F13A1: variants seen among roughly 807,000 people sequenced by gnomAD.
F13A1 encodes the protein coagulation factor XIII A chain.
A neutral mutation model predicts 80.1 loss-of-function variants in F13A1; 47 were observed. The ratio of observed to expected loss-of-function variants is 0.59; its 90% CI spans 0.46 to 0.75. The LOEUF is 0.75. F13A1 is among the 30% of genes least tolerant of loss of function. The probability of loss-of-function intolerance (pLI) is 0.00; values close to 1 mark genes in which losing one functional copy is unlikely to be tolerated. For synonymous variants in F13A1, 349 were observed against 344.9 expected (o/e 1.01, Z -0.13); for missense variants, 817 against 930.4 (o/e 0.88, Z 1.59).
At chr6:6,252,784 T>G (rs6597197) in intron 4 of F13A1, among the ~76,000 whole-genome samples, 70,484 of 152,058 alleles carry the variant, frequency 0.46, 18,130 homozygotes, top group African/African-American at 0.7. Flanking sequence ...ATGACCAATG[T>G]GAACCCAACC....
intron 10 of F13A1, among the ~76,000 whole-genome samples, chr6:6,183,984 A>G (rs1761033127): frequency 6.6e-6 from 1 of 152,230 alleles, no homozygotes; most frequent in Non-Finnish European, 1.5e-5. Context: ...TAATGGGGAA[A>G]CTTGAAGATA....
At chr6:6,277,745 G>C (rs1487878302) in intron 3 of F13A1, among the ~76,000 whole-genome samples, 1 of 152,218 alleles carries the variant, frequency 6.6e-6, no homozygotes, top group East Asian at 1.9e-4. Context: ...ACCTTTTGAT[G>C]TATAGGGCCT....
intron 2 of F13A1, among the ~76,000 whole-genome samples, chr6:6,310,811 C>A (rs1758579403): frequency 6.6e-6 from 1 of 152,092 alleles, no homozygotes; most frequent in Admixed American, 6.6e-5. Flanking sequence ...TAGGACCAAT[C>A]ATTAAGTAGT....
intron 8 of F13A1, among the ~76,000 whole-genome samples, chr6:6,211,417 C>T (rs570855696): frequency 1.3e-5 from 2 of 152,324 alleles, no homozygotes; most frequent in South Asian, 2.1e-4. Context: ...AAATAAGCAT[C>T]TCTGATAACT....
rs200574485 is a variant in F13A1, at chr6:6,253,180, G to A, written c.572-2251C>T. Among the ~76,000 whole-genome samples the A allele has an allele frequency of 3.2e-4, 44 of 137,544 alleles. No homozygotes were observed. In the East Asian group the frequency reaches 8.2e-3, roughly 26 times the overall value. The allele number at this position is 137,544 out of a possible 152,430, so 90.2% of individuals were successfully genotyped here. ...AAAAAAAAAGAGAGAGAGAGAGAGAGAAAATAGCCAAAAACTAATATGTTG... is the reference window on the plus strand; with the variant it reads ...AAAAAAAAAGAGAGAGAGAGAGAGAAAAAATAGCCAAAAACTAATATGTTG... On this transcript the variant is annotated intron_variant, in intron 4 of 14. Coordinates refer to ENST00000264870, the MANE Select transcript of F13A1 (RefSeq NM_000129.4).
At chr6:6,159,545 G>A (rs1760537332) in intron 13 of F13A1, among the ~76,000 whole-genome samples, 1 of 152,178 alleles carries the variant, frequency 6.6e-6, no homozygotes, top group Non-Finnish European at 1.5e-5. Flanking sequence ...GTGGCTCCAT[G>A]CCAGGCTGCA....
At chr6:6,149,926 G>A (rs1172585245) in intron 14 of F13A1, among the ~76,000 whole-genome samples, 1 of 152,190 alleles carries the variant, frequency 6.6e-6, no homozygotes, top group Non-Finnish European at 1.5e-5. Flanking sequence ...TCCAATGTCA[G>A]ACATTAACAA....
At chr6:6,218,840 G>C (rs912149464) in intron 8 of F13A1, among the ~76,000 whole-genome samples, 6 of 152,150 alleles carry the variant, frequency 3.9e-5, no homozygotes, top group African/African-American at 1.4e-4. Flanking sequence ...TCCTGGCTCT[G>C]GAGTGTGGCG....
intron 13 of F13A1, among the ~76,000 whole-genome samples, chr6:6,155,438 T>G: frequency 6.6e-6 from 1 of 151,938 alleles, no homozygotes; most frequent in Admixed American, 6.6e-5. Flanking sequence ...GATGCTGGAG[T>G]GGGGAGCAGG....
At chr6:6,309,783 G>T (rs1227108582) in intron 2 of F13A1, among the ~76,000 whole-genome samples, 1 of 152,176 alleles carries the variant, frequency 6.6e-6, no homozygotes, top group Non-Finnish European at 1.5e-5. Context: ...CTGTTGCAGT[G>T]TTCTGGGTGA....
intron 8 of F13A1, chr6:6,206,641 CA>C (rs1761494466): frequency 4.3e-6 from 2 of 468,008 alleles, no homozygotes; most frequent in Non-Finnish European, 8.9e-6. Context: ...CAGTGATTTC[CA>C]ACCTTCAAAG....
intron 6 of F13A1, among the ~76,000 whole-genome samples, chr6:6,235,366 T>G (rs1757401134): frequency 6.6e-6 from 1 of 151,974 alleles, no homozygotes; most frequent in African/African-American, 2.4e-5. Flanking sequence ...GAAGAAGATA[T>G]TTGTAAATCC....
chr6:6,170,513 G>A (rs1413182727), intron 12 of F13A1, among the ~76,000 whole-genome samples: 1 of 152,190 alleles, frequency 6.6e-6, no homozygotes, highest in East Asian at 1.9e-4. Flanking sequence ...ATAGGTTTTC[G>A]CTCTATGAGC....
At chr6:6,183,100 A>C (rs898207821) in intron 10 of F13A1, among the ~76,000 whole-genome samples, 1 of 152,132 alleles carries the variant, frequency 6.6e-6, no homozygotes, top group African/African-American at 2.4e-5. Context: ...CCTTTATTAC[A>C]TATTTTATAA....
chr6:6,174,566 C>G lies in F13A1; in HGVS notation c.1747+14G>C. 6.2e-7 allele frequency: 1 copy of G among 1,614,018 alleles called. No homozygotes were observed. Among genetic ancestry groups the G allele is most frequent in the Non-Finnish European group, 8.5e-7 (1 of 1,179,996 alleles). On this transcript the variant is annotated intron_variant, in intron 12 of 14. Transcript: ENST00000264870. ...CAGCGAGTCTCAGAAAGAACCACAC[C>G]ATTGTTAGCTTACAGGACAAGGGCT...
rs1014208595 is a variant in F13A1 at position 6,298,141 on chromosome 6, A to G, written c.319+7210T>C. ...TTTGTTATAATTTCTGTTCTTTTAC[A>G]TTTGCTGAGGAGAGCTTTACTTCCC... is the stretch of plus-strand genomic sequence containing the variant. On this transcript the variant is annotated intron_variant, in intron 3 of 14. Transcript: ENST00000264870. Among the ~76,000 whole-genome samples, 135 of 139,354 alleles carry G rather than the reference A, an allele frequency of 9.7e-4. 1 individual carries two copies. Among genetic ancestry groups the G allele is most frequent in the Non-Finnish European group, 3.9e-4 (25 of 64,336 alleles). 91.4% of individuals were successfully genotyped at this position (139,354 alleles called of 152,430 possible).
rs1430552697 is a variant in F13A1 at position 6,250,687 on chromosome 6, C to G, written c.690+124G>C. The stretch of plus-strand genomic sequence containing the variant: ...TCCTATGCTCTCTGCCTTGGAGTCT[C>G]AGATCCTAAAAAGCAGGAAATTGTG... On this transcript the variant is annotated intron_variant, in intron 5 of 14. Transcript: ENST00000264870. The surrounding 1 kb of genome is among the most constrained non-coding windows in gnomAD (Gnocchi z 4.2). 1.5e-5 allele frequency: 11 copies of G among 729,146 alleles called. No individual in the cohort carries two copies. The Admixed American group carries it at 2.1e-4, about 14-fold the overall frequency. The allele number at this position is 729,146 out of a possible 1,614,324, so 45.2% of individuals were successfully genotyped here. A position where few individuals can be genotyped will look rare whatever the true frequency, so the allele number is the denominator to read the frequency against.
intron 4 of F13A1, among the ~76,000 whole-genome samples, chr6:6,254,293 ATT>A (rs1027201457): frequency 3.3e-5 from 5 of 152,130 alleles, no homozygotes; most frequent in Admixed American, 6.5e-5. Context: ...GCCCAATGCT[ATT>A]TCTAGATGTC....
At chr6:6,239,622 A>C (rs1757459479) in intron 6 of F13A1, among the ~76,000 whole-genome samples, 1 of 151,954 alleles carries the variant, frequency 6.6e-6, no homozygotes, top group Non-Finnish European at 1.5e-5. Flanking sequence ...GGAAATTATT[A>C]ACCTTGTCTC....
Sources: gnomAD v4.1 joint callset for allele counts (sites outside exome capture counted in the v4.1 genomes callset) on GRCh38, gnomAD v4.1.1 for gene constraint, Gnocchi (gnomAD v3.1) non-coding constraint, MANE v1.5 for transcripts, NCBI Gene and HGNC (gene_info 2026-07-23, HGNC 2026-07-21) for gene names.